STPG2: variants seen among roughly 807,000 people sequenced by gnomAD.
STPG2 encodes sperm-tail PG-rich repeat-containing protein 2.
STPG2 carries 56 observed loss-of-function variants against 54.2 expected under a neutral mutation model. The observed-to-expected ratio is 1.03, with a 90% confidence interval of 0.83 to 1.29. The LOEUF (loss-of-function observed/expected upper bound fraction) is 1.29. Ranked by LOEUF, STPG2 falls within the 50% of genes most tolerant of loss-of-function variation. STPG2 has a pLI of 0.00. For missense variants in STPG2, 596 were observed against 544.9 expected (o/e 1.09, Z -0.93); for synonymous variants, 200 against 181.8 (o/e 1.10, Z -0.81).
intron 8 of STPG2, among the ~76,000 whole-genome samples, chr4:97,940,522 G>C (rs1288407475): frequency 6.6e-6 from 1 of 151,628 alleles, no homozygotes; most frequent in South Asian, 2.1e-4. Context: ...CTCTGGTTTT[G>C]TCTGACTGTC....
At chr4:97,557,958 T>C (rs1732118981), downstream of STPG2, among the ~76,000 whole-genome samples, 1 of 151,914 alleles carries the variant, frequency 6.6e-6, no homozygotes, top group African/African-American at 2.4e-5. Flanking sequence ...AAATGAGAAA[T>C]CCAGATTAAA....
chr4:97,637,111 G>T (rs1054474819), intron 10 of STPG2, among the ~76,000 whole-genome samples: 1 of 144,632 alleles, frequency 6.9e-6, no homozygotes, highest in Non-Finnish European at 1.5e-5. Context: ...CTGGCAAACC[G>T]AATCCAGCAG....
chr4:97,822,814 CA>C (rs1201032240), intron 9 of STPG2, among the ~76,000 whole-genome samples: 1 of 152,212 alleles, frequency 6.6e-6, no homozygotes, highest in African/African-American at 2.4e-5. Context: ...GCTCTACCCC[CA>C]TGACCCAAAC....
chr4:98,031,724 C>A (rs1394307904), intron 5 of STPG2, among the ~76,000 whole-genome samples: 1 of 151,896 alleles, frequency 6.6e-6, no homozygotes, highest in African/African-American at 2.4e-5. Context: ...ATAACTGGGA[C>A]TTGAACTAAA....
At chr4:98,128,880 T>C (rs1739906879) in intron 2 of STPG2, among the ~76,000 whole-genome samples, 1 of 152,014 alleles carries the variant, frequency 6.6e-6, no homozygotes, top group South Asian at 2.1e-4. Flanking sequence ...ACTACAGGCA[T>C]GCACCACTAT....
chr4:97,810,031 ATAAT>A (rs1384197145), intron 9 of STPG2, among the ~76,000 whole-genome samples: 5 of 152,246 alleles, frequency 3.3e-5, no homozygotes, highest in African/African-American at 1.2e-4. Flanking sequence ...TACATATAGC[ATAAT>A]TAAAGATCAA....
At chr4:98,013,379 G>C (rs895341296) in intron 5 of STPG2, among the ~76,000 whole-genome samples, 1 of 152,138 alleles carries the variant, frequency 6.6e-6, no homozygotes, top group Non-Finnish European at 1.5e-5. Context: ...TCGCATGAAT[G>C]TTCTTCAAGG....
intron 4 of STPG2, among the ~76,000 whole-genome samples, chr4:97,467,651 C>A (rs1293353329): frequency 2.0e-5 from 3 of 151,864 alleles, no homozygotes; most frequent in Admixed American, 6.6e-5. Flanking sequence ...GGAGAAAAAA[C>A]CATTATGAGA....
At chr4:97,737,647 G>A (rs992043936) in intron 9 of STPG2, among the ~76,000 whole-genome samples, 5 of 152,052 alleles carry the variant, frequency 3.3e-5, no homozygotes, top group African/African-American at 1.2e-4. Context: ...GAAGCGAGAA[G>A]GGAAGCTTAG....
At chr4:97,455,129 G>A (rs903027326) in intron 4 of STPG2, among the ~76,000 whole-genome samples, 4 of 152,122 alleles carry the variant, frequency 2.6e-5, no homozygotes, top group Non-Finnish European at 5.9e-5. Context: ...AGACCTCAGT[G>A]TAAAATGCAA....
intron 9 of STPG2, among the ~76,000 whole-genome samples, chr4:97,729,656 A>G (rs1436389829): frequency 2.6e-5 from 4 of 152,180 alleles, no homozygotes; most frequent in Non-Finnish European, 1.5e-5. Context: ...GCCCACAGAT[A>G]AAAGATTCAA....
At chr4:97,619,504 T>C (rs1419630359) in intron 10 of STPG2, among the ~76,000 whole-genome samples, 5 of 147,808 alleles carry the variant, frequency 3.4e-5, no homozygotes, top group South Asian at 2.2e-4. Flanking sequence ...AGGAAGATAA[T>C]ATTTTGACAT....
intron 8 of STPG2, among the ~76,000 whole-genome samples, chr4:97,863,231 T>C (rs1385870679): frequency 6.7e-6 from 1 of 150,298 alleles, no homozygotes; most frequent in East Asian, 2.0e-4. Context: ...GAGAGAAGAA[T>C]CAAACACATG....
At chr4:97,603,997 T>C (rs1378629491) in intron 10 of STPG2, among the ~76,000 whole-genome samples, 2 of 151,720 alleles carry the variant, frequency 1.3e-5, no homozygotes, top group Non-Finnish European at 3.0e-5. Context: ...TGCACCGCAA[T>C]TGAAAATAAA....
At chr4:97,790,055 C>A (rs1726945127) in intron 9 of STPG2, among the ~76,000 whole-genome samples, 1 of 152,142 alleles carries the variant, frequency 6.6e-6, no homozygotes, top group Non-Finnish European at 1.5e-5. Flanking sequence ...AATTATCAGC[C>A]TTTACAGTAA....
intron 9 of STPG2, among the ~76,000 whole-genome samples, chr4:97,736,146 T>G (rs774036523): frequency 6.6e-6 from 1 of 152,026 alleles, no homozygotes. Context: ...CCTCAGAAAT[T>G]AAAAATAGAA....
At chr4:97,895,525 A>G (rs2149179411) in intron 8 of STPG2, among the ~76,000 whole-genome samples, 1 of 151,972 alleles carries the variant, frequency 6.6e-6, no homozygotes, top group East Asian at 1.9e-4. Flanking sequence ...TCTCATAGCA[A>G]TGGTTTGCAT....
At chr4:97,778,621 G>A (rs1045168035) in intron 9 of STPG2, among the ~76,000 whole-genome samples, 1 of 152,184 alleles carries the variant, frequency 6.6e-6, no homozygotes, top group Non-Finnish European at 1.5e-5. Context: ...TCACGGAATG[G>A]ACAGACTGCC....
intron 8 of STPG2, among the ~76,000 whole-genome samples, chr4:97,900,947 G>C (rs1731154935): frequency 6.6e-6 from 1 of 151,518 alleles, no homozygotes; most frequent in African/African-American, 2.4e-5. Flanking sequence ...TAAAACATAA[G>C]AGGTGAAAAT....
Sources: allele counts gnomAD v4.1 joint callset (sites outside exome capture counted in the v4.1 genomes callset), GRCh38; gene constraint gnomAD v4.1.1; transcripts MANE v1.5; gene names NCBI Gene and HGNC (gene_info 2026-07-23, HGNC 2026-07-21).